NRG3: variants seen among roughly 807,000 people sequenced by gnomAD.
The protein encoded by NRG3 is pro-neuregulin-3, membrane-bound isoform.
A neutral mutation model predicts 66.9 loss-of-function variants in NRG3; 31 were observed. The ratio of observed to expected loss-of-function variants is 0.46; its 90% confidence interval spans 0.35 to 0.63. NRG3 has a LOEUF of 0.63. Ranked by LOEUF, NRG3 falls within the 20% of genes least tolerant of loss-of-function variation. The pLI is 0.00. For synonymous variants in NRG3, 393 were observed against 359.4 expected, an observed-to-expected ratio of 1.09 and a Z score of -1.06; for missense variants, 910 against 878.9, an observed-to-expected ratio of 1.04 and a Z score of -0.45.
intron 2 of NRG3, among the ~76,000 whole-genome samples, chr10:82,594,734 G>A (rs1360663148): frequency 6.6e-6 from 1 of 151,320 alleles, no homozygotes; most frequent in African/African-American, 2.4e-5. Context: ...TCCATTCCTG[G>A]GTCTTACTTA....
intron 1 of NRG3, among the ~76,000 whole-genome samples, chr10:82,264,135 T>G (rs1054129732): frequency 6.6e-6 from 1 of 152,088 alleles, no homozygotes; most frequent in Non-Finnish European, 1.5e-5. Context: ...GGGCTGGAGT[T>G]AAAAAACGTA....
At chr10:82,439,658 A>G (rs1375798086) in intron 2 of NRG3, among the ~76,000 whole-genome samples, 1 of 152,042 alleles carries the variant, frequency 6.6e-6, no homozygotes, top group East Asian at 1.9e-4. Flanking sequence ...AATTCTGAGT[A>G]ATTGTGAATG....
intron 1 of NRG3, among the ~76,000 whole-genome samples, chr10:82,272,232 T>A (rs1246650993): frequency 6.6e-6 from 1 of 151,786 alleles, no homozygotes; most frequent in Non-Finnish European, 1.5e-5. Context: ...AAGAAAAAAA[T>A]GTGAATTCTG....
intron 1 of NRG3, among the ~76,000 whole-genome samples, chr10:82,328,811 A>T (rs996770634): frequency 6.6e-6 from 1 of 152,190 alleles, no homozygotes; most frequent in Non-Finnish European, 1.5e-5. Flanking sequence ...CCAGAGGGGA[A>T]GATGTAGGAG....
At chr10:82,043,981 A>T (rs2063152601) in intron 1 of NRG3, among the ~76,000 whole-genome samples, 1 of 152,028 alleles carries the variant, frequency 6.6e-6, no homozygotes. Flanking sequence ...AATAAAAACA[A>T]GTAAGGTAAT....
At chr10:82,931,939 T>C (rs1373566141) in intron 4 of NRG3, among the ~76,000 whole-genome samples, 1 of 152,228 alleles carries the variant, frequency 6.6e-6, no homozygotes. Context: ...TGAGCTTTTG[T>C]TTCTTCATTT....
chr10:82,599,007 A>G (rs1394069752), intron 2 of NRG3, among the ~76,000 whole-genome samples: 4 of 151,926 alleles, frequency 2.6e-5, no homozygotes, highest in Admixed American at 6.6e-5. Context: ...CCGAGATCAT[A>G]CCACTGCACC....
chr10:81,900,628 T>G (rs1843977400), intron 1 of NRG3, among the ~76,000 whole-genome samples: 1 of 152,196 alleles, frequency 6.6e-6, no homozygotes, highest in Non-Finnish European at 1.5e-5. Context: ...CTTAAGATAT[T>G]TACATTTTGA....
At chr10:82,240,973 T>C (rs1589437716) in intron 1 of NRG3, among the ~76,000 whole-genome samples, 1 of 152,162 alleles carries the variant, frequency 6.6e-6, no homozygotes, top group Admixed American at 6.5e-5. Flanking sequence ...AATCAAATGC[T>C]GTGGAGACAA....
intron 1 of NRG3, among the ~76,000 whole-genome samples, chr10:82,269,399 A>G (rs1287445133): frequency 1.3e-5 from 2 of 152,004 alleles, no homozygotes; most frequent in Admixed American, 1.3e-4. Context: ...AAGTCTTTGG[A>G]GAGTTTCTCT....
chr10:82,477,707 A>T (rs899818233), intron 2 of NRG3, among the ~76,000 whole-genome samples: 2 of 152,222 alleles, frequency 1.3e-5, no homozygotes, highest in African/African-American at 4.8e-5. Flanking sequence ...GCAACACAGA[A>T]ATGAAATAAT....
intron 2 of NRG3, among the ~76,000 whole-genome samples, chr10:82,535,136 C>CAG (rs144253976): frequency 3.9e-4 from 56 of 145,194 alleles, no homozygotes; most frequent in Middle Eastern, 3.4e-3. Flanking sequence ...GCCTGGATGA[C>CAG]AGAGAGAGAG....
chr10:82,724,008 T>TAAAA (rs1565242500), intron 2 of NRG3, among the ~76,000 whole-genome samples: 1 of 143,968 alleles, frequency 6.9e-6, no homozygotes, highest in African/African-American at 2.7e-5. Flanking sequence ...AAAAAAAATT[T>TAAAA]AAAAAATAAA....
At chr10:82,724,728 T>C (rs959203908) in intron 2 of NRG3, among the ~76,000 whole-genome samples, 2 of 152,182 alleles carry the variant, frequency 1.3e-5, no homozygotes, top group African/African-American at 4.8e-5. Context: ...CTTTGCCCCC[T>C]TTTTTAGAGA....
chr10:82,760,899 A>G (rs1210496486), intron 3 of NRG3, among the ~76,000 whole-genome samples: 1 of 151,956 alleles, frequency 6.6e-6, no homozygotes, highest in African/African-American at 2.4e-5. Context: ...AACTAAGTAT[A>G]TATTGTAAAA....
chr10:82,630,470 A>G (rs1173756468), intron 2 of NRG3, among the ~76,000 whole-genome samples: 1 of 151,798 alleles, frequency 6.6e-6, no homozygotes, highest in African/African-American at 2.4e-5. Flanking sequence ...AAACAGAGCT[A>G]CTGTTTATCT....
intron 1 of NRG3, among the ~76,000 whole-genome samples, chr10:82,029,117 G>A (rs927756556): frequency 6.6e-6 from 1 of 152,042 alleles, no homozygotes; most frequent in Non-Finnish European, 1.5e-5. Flanking sequence ...GCTGAGGCAG[G>A]AGAATTGCTT....
chr10:82,657,323 G>A (rs1387826196), intron 2 of NRG3, among the ~76,000 whole-genome samples: 4 of 152,254 alleles, frequency 2.6e-5, no homozygotes, highest in Admixed American at 6.5e-5. Flanking sequence ...ATATATCAAT[G>A]TTTGAGATAC....
chr10:82,461,613 C>T (rs1415800995), intron 2 of NRG3, among the ~76,000 whole-genome samples: 1 of 152,186 alleles, frequency 6.6e-6, no homozygotes, highest in Non-Finnish European at 1.5e-5. Context: ...GCTTATTTCA[C>T]ATATTCAAGC....
Sources: allele counts gnomAD v4.1 joint callset (sites outside exome capture counted in the v4.1 genomes callset), GRCh38; gene constraint gnomAD v4.1.1; transcripts MANE v1.5; gene names NCBI Gene and HGNC (gene_info 2026-07-23, HGNC 2026-07-21).